The following CREB1 variants were observed in gnomAD, a reference collection of about 807,000 sequenced individuals.
CREB1 encodes cAMP responsive element binding protein 1.
A neutral mutation model predicts 42.0 loss-of-function variants in CREB1; 2 were observed. That is an observed-to-expected ratio of 0.05 (90% CI 0.02 to 0.15). The LOEUF (loss-of-function observed/expected upper bound fraction) is 0.15, where lower values mean the gene tolerates loss of function less well. Among genes scored for constraint, CREB1 ranks in the 10% least tolerant of loss-of-function variants. The probability of loss-of-function intolerance (pLI) is 1.00; values close to 1 mark genes in which losing one functional copy is unlikely to be tolerated. For missense variants in CREB1, 199 were observed against 388.9 expected (o/e 0.51, Z 4.11); for synonymous variants, 123 against 139.9 (o/e 0.88, Z 0.85).
intron 7 of CREB1, chr2:207,581,778 C>G: frequency 1.5e-6 from 1 of 683,410 alleles, no homozygotes; most frequent in Non-Finnish European, 2.6e-6. Context: ...TTTATTTCCC[C>G]AGTTTTTTTA....
At chr2:207,557,957 T>G (rs939008749) in intron 2 of CREB1, among the ~76,000 whole-genome samples, 1 of 152,162 alleles carries the variant, frequency 6.6e-6, no homozygotes, top group Non-Finnish European at 1.5e-5. Context: ...GGAATTGAGA[T>G]GAGATACTCT....
At chr2:207,593,318 G>C (rs577734795) in intron 7 of CREB1, among the ~76,000 whole-genome samples, 2 of 152,264 alleles carry the variant, frequency 1.3e-5, no homozygotes, top group African/African-American at 4.8e-5. Context: ...TTGAGCCCAG[G>C]AATTCAAGAC....
intron 1 of CREB1, among the ~76,000 whole-genome samples, chr2:207,543,434 G>A (rs2081174046): frequency 6.6e-6 from 1 of 152,138 alleles, no homozygotes; most frequent in Admixed American, 6.6e-5. Flanking sequence ...AAGGGGGAGT[G>A]AGTAGTCATT....
intron 3 of CREB1, among the ~76,000 whole-genome samples, chr2:207,562,497 A>G (rs1265660122): frequency 6.6e-6 from 1 of 152,062 alleles, no homozygotes; most frequent in Non-Finnish European, 1.5e-5. Flanking sequence ...ATTTGCTTGT[A>G]TTCATCTTTA....
intron 1 of CREB1, among the ~76,000 whole-genome samples, chr2:207,541,789 T>C (rs968825431): frequency 2.0e-5 from 3 of 152,294 alleles, no homozygotes; most frequent in African/African-American, 7.2e-5. Context: ...CCACCATCAG[T>C]TTAGGACATT....
At chr2:207,562,278 CT>C (rs2081984151) in intron 3 of CREB1, among the ~76,000 whole-genome samples, 1 of 152,122 alleles carries the variant, frequency 6.6e-6, no homozygotes, top group Non-Finnish European at 1.5e-5. Flanking sequence ...GCACATCTAC[CT>C]TTCTCTTTTT....
rs747327819 is a variant in CREB1, at chr2:207,575,461, G to A, written c.688+7G>A. On this transcript the variant is annotated splice_region_variant and intron_variant, in intron 6 of 7. Coordinates refer to ENST00000353267, the MANE Select transcript of CREB1 (RefSeq NM_004379.5). ...AACCAAGTTGTTGTTCAAGGTAAGG[G>A]AATTCAGAATTCACAGGTGTGGTAA... The A allele has an allele frequency of 4.4e-6, 7 of 1,595,302 alleles. No individual in the cohort carries two copies. The African/African-American group carries it at 9.4e-5, about 21-fold the overall frequency.
In CREB1 at chr2:207,602,577, G is replaced by T. The variant is rs999287284; in HGVS notation, c.*5519G>T. ...TAAATCTGAGTTAGCTTAAAAATTG[G>T]TAGGGAGGAAGAAAATCTCTGCAAA... is the stretch of plus-strand genomic sequence containing the variant. On this transcript the variant is annotated 3_prime_UTR_variant, in exon 8 of 8. Transcript: ENST00000353267. 1.0e-4 allele frequency: 22 copies of T among 211,506 alleles called. No homozygotes were observed. Among genetic ancestry groups the T allele is most frequent in the African/African-American group, 4.5e-4 (20 of 44,126 alleles). The allele number at this position is 211,506 out of a possible 1,614,324, so 13.1% of individuals were successfully genotyped here.
rs1384339824 is a variant in CREB1 at position 207,575,415 on chromosome 2, C to G, written c.649C>G (p.Gln217Glu). 1 of 1,613,482 alleles carries G rather than the reference C, an allele frequency of 6.2e-7. No homozygotes were observed. Among genetic ancestry groups the G allele is most frequent in the East Asian group, 2.2e-5 (1 of 44,874 alleles). Residue 217 changes from glutamine to glutamate, a missense_variant, in exon 6 of 8, where the codon CAG (glutamine) becomes GAG (glutamate). Gln to Glu is a conservative substitution (Grantham distance 29, BLOSUM62 2). This residue lies in a region of CREB1 where 66 missense variants were observed against 88.1 expected (regional missense o/e 0.75). Coordinates refer to ENST00000353267, the MANE Select transcript of CREB1 (RefSeq NM_004379.5). ...ILQYAQTTDGQQILVPSNQVV... is the reference protein window; with the variant it reads ...ILQYAQTTDGEQILVPSNQVV... ...ACAGTATGCACAGACCACTGATGGACAGCAGATCTTAGTGCCCAGCAACCA... is the reference window on the plus strand; with the variant it reads ...ACAGTATGCACAGACCACTGATGGAGAGCAGATCTTAGTGCCCAGCAACCA...
At chr2:207,537,568 T>C (rs2080925014) in intron 1 of CREB1, among the ~76,000 whole-genome samples, 1 of 152,238 alleles carries the variant, frequency 6.6e-6, no homozygotes, top group African/African-American at 2.4e-5. Flanking sequence ...CAATTAAATA[T>C]ATGCTAGTTT....
At chr2:207,537,213 C>G (rs1240262555) in intron 1 of CREB1, among the ~76,000 whole-genome samples, 1 of 151,910 alleles carries the variant, frequency 6.6e-6, no homozygotes, top group African/African-American at 2.4e-5. Flanking sequence ...TGCCACCATG[C>G]CCAGCTAAAG....
chr2:207,566,553 T>C (rs1471513929), intron 3 of CREB1, among the ~76,000 whole-genome samples: 1 of 152,174 alleles, frequency 6.6e-6, no homozygotes, highest in East Asian at 1.9e-4. Context: ...GGTTTGAGAC[T>C]ATAACAGTCT....
At chr2:207,568,791 T>C (rs2082239014) in intron 4 of CREB1, among the ~76,000 whole-genome samples, 1 of 152,152 alleles carries the variant, frequency 6.6e-6, no homozygotes, top group Non-Finnish European at 1.5e-5. Flanking sequence ...GGTTCCTTTG[T>C]TTTTGGGTTC....
intron 1 of CREB1, among the ~76,000 whole-genome samples, chr2:207,545,802 C>T (rs1486771397): frequency 3.3e-5 from 5 of 150,470 alleles, no homozygotes; most frequent in East Asian, 2.0e-4. Flanking sequence ...GGCGCAATCT[C>T]GGCTCACTGC....
intron 3 of CREB1, 85 bp downstream of exon 3, chr2:207,560,457 G>T: frequency 7.5e-7 from 1 of 1,337,106 alleles, no homozygotes; most frequent in Non-Finnish European, 1.0e-6. Flanking sequence ...ATGAAAATAA[G>T]GACACATCTA....
At chr2:207,576,241 C>CTTTTTTTTTTTTTTTTTTGGT (rs35735523) in intron 6 of CREB1, among the ~76,000 whole-genome samples, 6 of 101,050 alleles carry the variant, frequency 5.9e-5, no homozygotes, top group East Asian at 3.0e-4. Context: ...CTTTTTTTGG[C>CTTTTTTTTTTTTTTTTTTGGT]TTTTTTTTTT....
chr2:207,558,013 T>C (rs2081800136), intron 2 of CREB1, among the ~76,000 whole-genome samples: 1 of 152,222 alleles, frequency 6.6e-6, no homozygotes, highest in African/African-American at 2.4e-5. Context: ...GAAAGTATGA[T>C]TGGGTTCCTG....
At chr2:207,570,720 G>C (rs1430510701) in intron 5 of CREB1, among the ~76,000 whole-genome samples, 1 of 152,094 alleles carries the variant, frequency 6.6e-6, no homozygotes, top group Non-Finnish European at 1.5e-5. Context: ...CTTGCCTTCT[G>C]AAAGTAGCAT....
intron 7 of CREB1, among the ~76,000 whole-genome samples, chr2:207,587,405 A>G (rs1179329703): frequency 6.6e-6 from 1 of 151,732 alleles, no homozygotes; most frequent in East Asian, 1.9e-4. Flanking sequence ...AAAAAAAAAA[A>G]AGGAAAAAGA....
Sources: gnomAD v4.1 joint callset for allele counts (sites outside exome capture counted in the v4.1 genomes callset) on GRCh38, gnomAD v4.1.1 for gene constraint, gnomAD v4.1.1 regional missense constraint, MANE v1.5 for transcripts, NCBI Gene and HGNC (gene_info 2026-07-23, HGNC 2026-07-21) for gene names.